SLC43A3: variants seen among roughly 807,000 people sequenced by gnomAD.
SLC43A3 encodes equilibrative nucleobase transporter 1.
A neutral mutation model predicts 53.3 loss-of-function variants in SLC43A3; 33 were observed. That is an observed-to-expected ratio of 0.62 (90% CI 0.47 to 0.83). The LOEUF (loss-of-function observed/expected upper bound fraction) is 0.83. Ranked by LOEUF, SLC43A3 falls within the 40% of genes least tolerant of loss-of-function variation. SLC43A3 has a pLI of 0.00. For missense variants in SLC43A3, 530 were observed against 610.0 expected (o/e 0.87, Z 1.38); for synonymous variants, 236 against 246.2 (o/e 0.96, Z 0.39).
At chr11:57,409,135 C>T in intron 13 of SLC43A3, 40 bp downstream of exon 13, 2 of 1,612,034 alleles carry the variant, frequency 1.2e-6, no homozygotes, top group Non-Finnish European at 1.7e-6. Flanking sequence ...GCCTAAGGCC[C>T]AGGCCTCCTG....
Position 57,414,957 on chromosome 11 carries a change from T to C in SLC43A3, c.919A>G (p.Met307Val), listed in dbSNP as rs376068276. ...CCTCGTGCCATGTCCCCACCGGCCATGTTGGTCAGCAAGGAGTTGAGAGTG... is the reference window on the plus strand; with the variant it reads ...CCTCGTGCCATGTCCCCACCGGCCACGTTGGTCAGCAAGGAGTTGAGAGTG... Reference protein sequence around the residue: ...IGTLNSLLTNMAGGDMARVST... With the variant: ...IGTLNSLLTNVAGGDMARVST... Residue 307 changes from methionine to valine, a missense_variant, in exon 10 of 14, where the codon ATG becomes GTG. Coordinates refer to ENST00000395124, the MANE Select transcript of SLC43A3 (RefSeq NM_199329.3). 3.7e-6 allele frequency: 6 copies of C among 1,613,336 alleles called. No homozygotes were observed. Among genetic ancestry groups the C allele is most frequent in the African/African-American group, 2.7e-5 (2 of 74,874 alleles).
intron 3 of SLC43A3, 152 bp from the exon 4 acceptor site, chr11:57,425,822 G>T: frequency 7.2e-7 from 1 of 1,390,098 alleles, no homozygotes; most frequent in Non-Finnish European, 9.8e-7. Context: ...CCCCTCAGGA[G>T]CTGGTGCCTC....
At position 57,421,482 on chromosome 11, in the gene SLC43A3, C is replaced by T. The variant is rs1027318251; in HGVS notation, c.362-109G>A. 38 of 782,092 alleles carry T rather than the reference C, an allele frequency of 4.9e-5. No individual in the cohort carries two copies. The Admixed American group carries it at 8.4e-4, about 17-fold the overall frequency. 48.4% of individuals were successfully genotyped at this position (782,092 alleles called of 1,614,324 possible). On this transcript the variant is annotated intron_variant, in intron 5 of 13. Transcript: ENST00000395124. Reference sequence around the variant, plus strand: ...ATTCCCAACAATCCTGGTATCCAGGCCCCAATTCTAGCCAGCGTTCCAGCG... The same window carrying T: ...ATTCCCAACAATCCTGGTATCCAGGTCCCAATTCTAGCCAGCGTTCCAGCG...
intron 9 of SLC43A3, 191 bp from the exon 10 acceptor site, chr11:57,415,297 C>T: frequency 2.0e-6 from 3 of 1,528,126 alleles, no homozygotes; most frequent in Non-Finnish European, 2.6e-6. Flanking sequence ...GTCATGCTGG[C>T]CCTACCACCT....
In SLC43A3 at chr11:57,417,814, G is replaced by A; in HGVS notation, c.605C>T (p.Ala202Val). 6.2e-7 allele frequency: 1 copy of A among 1,614,222 alleles called. No homozygotes were observed. Among genetic ancestry groups the A allele is most frequent in the Non-Finnish European group, 8.5e-7 (1 of 1,180,032 alleles). Reference sequence around the variant, plus strand: ...CCGGGGCATCAGGAGGAAAGTGCGTGCTACATGCCAGGTACTGCAGACAGA... The same window carrying A: ...CCGGGGCATCAGGAGGAAAGTGCGTACTACATGCCAGGTACTGCAGACAGA... ...FISVCSTWHV[A>V]RTFLLMPRGH... The change falls in exon 8 of 14, where the codon GCA becomes GTA. Residue 202 changes from alanine to valine, a missense_variant. Physicochemically the swap from Ala to Val is moderately conservative, Grantham distance 64 (BLOSUM62 0). This residue lies in a region of SLC43A3 where 376 missense variants were observed against 386.7 expected (regional missense o/e 0.97). Coordinates refer to ENST00000395124, the MANE Select transcript of SLC43A3 (RefSeq NM_199329.3).
chr11:57,422,748 T>C (rs1239193837), intron 5 of SLC43A3, among the ~76,000 whole-genome samples: 1 of 152,208 alleles, frequency 6.6e-6, no homozygotes, highest in East Asian at 1.9e-4. Context: ...GAGTCAAACA[T>C]TACCCAGCCA....
chr11:57,413,127 A>G (rs933267158), intron 11 of SLC43A3, among the ~76,000 whole-genome samples: 2 of 152,206 alleles, frequency 1.3e-5, no homozygotes, highest in African/African-American at 4.8e-5. Context: ...TTTACAGGAA[A>G]TACCCAAGGA....
rs1942261180 is a variant in SLC43A3 at position 57,407,537 on chromosome 11, G to A, written c.*255C>T. On this transcript the variant is annotated 3_prime_UTR_variant, in exon 14 of 14. Coordinates refer to ENST00000395124, the MANE Select transcript of SLC43A3 (RefSeq NM_199329.3). The stretch of plus-strand genomic sequence containing the variant: ...AGTCAAGGGTCTGCCAAGGCTAAGT[G>A]CAAGGAGACACTTCTGTTTTGAAAT... The A allele has an allele frequency of 1.7e-5, 7 of 419,086 alleles. No individual in the cohort carries two copies. Among genetic ancestry groups the A allele is most frequent in the Non-Finnish European group, 2.6e-5 (6 of 227,786 alleles). The allele number at this position is 419,086 out of a possible 1,614,324, so 26.0% of individuals were successfully genotyped here.
intron 5 of SLC43A3, among the ~76,000 whole-genome samples, chr11:57,422,575 C>A (rs745632503): frequency 7.9e-5 from 12 of 152,320 alleles, no homozygotes; most frequent in South Asian, 2.1e-4. Flanking sequence ...ACACAGTTTA[C>A]CATTCAATTT....
Position 57,410,145 on chromosome 11 carries a change from A to C in SLC43A3, c.1061-24T>G, listed in dbSNP as rs184734881. 103 of 1,556,898 alleles carry C rather than the reference A, an allele frequency of 6.6e-5. No individual in the cohort carries two copies. The African/African-American group carries it at 1.2e-3, about 18-fold the overall frequency. ...ACCTGGGCGAACAGAGAGGAAAAAG[A>C]AGCTCTCTGTAGGCCAACCCAACAG... is the stretch of plus-strand genomic sequence containing the variant. On this transcript the variant is annotated intron_variant, in intron 11 of 13. Coordinates refer to ENST00000395124, the MANE Select transcript of SLC43A3 (RefSeq NM_199329.3).
At chr11:57,418,518 C>T (rs553809496) in intron 7 of SLC43A3, among the ~76,000 whole-genome samples, 2 of 152,016 alleles carry the variant, frequency 1.3e-5, no homozygotes, top group African/African-American at 4.8e-5. Flanking sequence ...ACAGCAAGAC[C>T]TCATCTCTAC....
At chr11:57,420,886 T>C (rs1942952620) in intron 7 of SLC43A3, 86 bp downstream of exon 7, 2 of 913,992 alleles carry the variant, frequency 2.2e-6, no homozygotes, top group South Asian at 1.4e-5. Context: ...CCTCACCGAG[T>C]TGATGGAGAC....
intron 4 of SLC43A3, 140 bp downstream of exon 4, chr11:57,425,401 A>C: frequency 6.1e-6 from 5 of 820,714 alleles, no homozygotes; most frequent in Non-Finnish European, 9.9e-6. Context: ...GCTGTTCCTA[A>C]CAGCTGCTGG....
intron 9 of SLC43A3, chr11:57,415,456 G>A: frequency 7.8e-7 from 1 of 1,281,284 alleles, no homozygotes. Flanking sequence ...AGAAGGGAGA[G>A]GAGAATGAGT....
intron 11 of SLC43A3, among the ~76,000 whole-genome samples, chr11:57,410,835 T>C (rs1043835827): frequency 2.0e-5 from 3 of 152,144 alleles, no homozygotes; most frequent in Non-Finnish European, 4.4e-5. Flanking sequence ...CCCACGCTAT[T>C]CTTGTGATAG....
At chr11:57,416,884 T>C (rs550952612) in intron 8 of SLC43A3, among the ~76,000 whole-genome samples, 1 of 152,318 alleles carries the variant, frequency 6.6e-6, no homozygotes, top group East Asian at 1.9e-4. Context: ...TATGTGAATC[T>C]AGTGATTCTA....
rs1240760380 is a variant in SLC43A3, at chr11:57,415,090, C to A, written c.786G>T (p.Gly262=). The A allele has an allele frequency of 6.2e-7, 1 of 1,610,784 alleles. No individual in the cohort carries two copies. The highest frequency in any genetic ancestry group is 8.5e-7 in the Non-Finnish European group (1 of 1,178,322). ...LSAKEETPGA[G]QKQELRSFWS... ...AGAAGGAGCGGAGTTCCTGCTTCTG[C>A]CCTGCCCCTGGGGTCTCTAATGGGG... Residue 262 remains glycine (G), a synonymous_variant, in exon 10 of 14, where the codon GGG becomes GGT. Transcript: ENST00000395124.
chr11:57,421,155 C>T (rs1942968125), intron 6 of SLC43A3, 91 bp from the exon 7 acceptor site: 1 of 1,215,350 alleles, frequency 8.2e-7, no homozygotes, highest in Non-Finnish European at 1.2e-6. Context: ...CTCCTTATAC[C>T]CAAACTCACC....
At chr11:57,427,028 C>G (rs1051831989) in intron 1 of SLC43A3, 34 bp downstream of exon 1, 10 of 152,400 alleles carry the variant, frequency 6.6e-5, no homozygotes, top group African/African-American at 2.4e-4. Context: ...CGCTCGGCGC[C>G]CCATGGCGCC....
Sources: gnomAD v4.1 joint callset for allele counts (sites outside exome capture counted in the v4.1 genomes callset) on GRCh38, gnomAD v4.1.1 for gene constraint, gnomAD v4.1.1 regional missense constraint, MANE v1.5 for transcripts, NCBI Gene and HGNC (gene_info 2026-07-23, HGNC 2026-07-21) for gene names.